FAM114A1: variants seen among roughly 807,000 people sequenced by gnomAD.
The protein encoded by FAM114A1 is family with sequence similarity 114 member A1, also known as protein NOXP20.
In FAM114A1, 62 loss-of-function variants were observed where a neutral mutation model predicts 64.3. The ratio of observed to expected loss-of-function variants is 0.96; its 90% CI spans 0.79 to 1.19. FAM114A1 has a LOEUF of 1.19. FAM114A1 is among the 50% of genes most tolerant of loss of function. The pLI is 0.00. For missense variants in FAM114A1, 645 were observed against 676.3 expected, an observed-to-expected ratio of 0.95 and a Z score of 0.51; for synonymous variants, 254 against 251.1, an observed-to-expected ratio of 1.01 and a Z score of -0.11.
At position 38,931,541 on chromosome 4, in the gene FAM114A1, G is replaced by A. The variant is rs985423409; in HGVS notation, c.1252G>A (p.Glu418Lys). The A allele has an allele frequency of 1.2e-6, 2 of 1,613,948 alleles. No individual in the cohort carries two copies. Among genetic ancestry groups the A allele is most frequent in the Middle Eastern group, 3.3e-4 (2 of 6,062 alleles). ...AKVSEEETKK[E>K]EKEEKSQDPQ... ...AGTGTCCGAAGAAGAAACAAAGAAG[G>A]AAGAAAAGGAAGAGAAATCTCAAGA... is the stretch of plus-strand genomic sequence containing the variant. The change falls in exon 11 of 15, where the codon GAA becomes AAA. Residue 418 changes from glutamate to lysine, a missense_variant. Transcript: ENST00000358869.
At chr4:38,881,956 C>T (rs1309606665) in intron 3 of FAM114A1, among the ~76,000 whole-genome samples, 1 of 151,856 alleles carries the variant, frequency 6.6e-6, no homozygotes, top group Non-Finnish European at 1.5e-5. Context: ...TAGCCAAGTG[C>T]AAAAGCCTAT....
At chr4:38,923,412 G>T (rs900786706) in intron 9 of FAM114A1, among the ~76,000 whole-genome samples, 1 of 151,880 alleles carries the variant, frequency 6.6e-6, no homozygotes, top group African/African-American at 2.4e-5. Context: ...TAGTAGAGAC[G>T]GGGTTTCACT....
chr4:38,942,726 C>G (rs963310631), intron 14 of FAM114A1, among the ~76,000 whole-genome samples: 2 of 152,082 alleles, frequency 1.3e-5, no homozygotes, highest in African/African-American at 4.8e-5. Flanking sequence ...GAATAACTGC[C>G]CAATAGTATC....
chr4:38,933,785 C>T (rs1296106211), intron 12 of FAM114A1, among the ~76,000 whole-genome samples: 1 of 152,082 alleles, frequency 6.6e-6, no homozygotes, highest in Admixed American at 6.6e-5. Flanking sequence ...AAAATAGAGC[C>T]CCTGAAAATA....
intron 2 of FAM114A1, among the ~76,000 whole-genome samples, chr4:38,870,576 G>T (rs148980945): frequency 8.6e-4 from 131 of 152,294 alleles, no homozygotes; most frequent in African/African-American, 2.9e-3. Flanking sequence ...GCCCACAAAG[G>T]CTTCTTTATA....
rs752311833 is a variant in FAM114A1, at chr4:38,908,561, A to G, written c.658-31A>G. The G allele has an allele frequency of 4.4e-6, 7 of 1,573,890 alleles. No individual in the cohort carries two copies. In the South Asian group the frequency reaches 5.8e-5, roughly 13 times the overall value. Reference sequence around the variant, plus strand: ...TGCTGCGAAACAGCAAAACCTAAACATCTAATCTCATGCAGTTATCTCATC... The same window carrying G: ...TGCTGCGAAACAGCAAAACCTAAACGTCTAATCTCATGCAGTTATCTCATC... On this transcript the variant is annotated intron_variant, in intron 6 of 14. Coordinates refer to ENST00000358869, the MANE Select transcript of FAM114A1 (RefSeq NM_138389.4).
Position 38,891,762 on chromosome 4 carries a change from G to A in FAM114A1, c.368G>A (p.Ser123Asn). The A allele has an allele frequency of 6.2e-7, 1 of 1,611,064 alleles. No individual in the cohort carries two copies. Among genetic ancestry groups the A allele is most frequent in the South Asian group, 1.1e-5 (1 of 90,574 alleles). ...QNYLAVDSPP[S>N]GGGWAGWGSW... ...CTCCAGGCTGTGGATTCCCCTCCAA[G>A]TGGAGGAGGATGGGCAGGCTGGGGA... The change falls in exon 4 of 15, where the codon AGT (serine) becomes AAT (asparagine). Residue 123 changes from serine (S) to asparagine (N), a missense_variant. Physicochemically the swap from Ser to Asn is conservative, Grantham distance 46 (BLOSUM62 1). Coordinates refer to ENST00000358869, the MANE Select transcript of FAM114A1 (RefSeq NM_138389.4).
intron 3 of FAM114A1, among the ~76,000 whole-genome samples, chr4:38,887,959 C>A (rs1170063188): frequency 6.6e-6 from 1 of 152,154 alleles, no homozygotes; most frequent in African/African-American, 2.4e-5. Context: ...TCATTGCCCA[C>A]ATCCCTGGAT....
At chr4:38,869,905 T>A (rs1713859650) in intron 2 of FAM114A1, among the ~76,000 whole-genome samples, 1 of 152,184 alleles carries the variant, frequency 6.6e-6, no homozygotes, top group Non-Finnish European at 1.5e-5. Context: ...GGCAGTCCTT[T>A]ACATTTAATA....
chr4:38,878,493 G>A, intron 3 of FAM114A1, 67 bp downstream of exon 3: 2 of 1,421,480 alleles, frequency 1.4e-6, no homozygotes, highest in Non-Finnish European at 9.5e-7. Context: ...TGCAGAGCTA[G>A]CACCAAGCTC....
At chr4:38,929,731 T>G (rs766220905) in intron 10 of FAM114A1, among the ~76,000 whole-genome samples, 1 of 152,216 alleles carries the variant, frequency 6.6e-6, no homozygotes, top group Non-Finnish European at 1.5e-5. Flanking sequence ...GAGCTGAGAT[T>G]GTGCCACAGC....
At chr4:38,891,621 C>A in intron 3 of FAM114A1, 122 bp from the exon 4 acceptor site, 1 of 788,356 alleles carries the variant, frequency 1.3e-6, no homozygotes, top group Non-Finnish European at 2.0e-6. Context: ...AAACTATAAG[C>A]CAATTAGATA....
At chr4:38,911,998 A>T (rs1399517239) in intron 7 of FAM114A1, among the ~76,000 whole-genome samples, 1 of 150,270 alleles carries the variant, frequency 6.7e-6, no homozygotes, top group East Asian at 2.0e-4. Flanking sequence ...AGTAGCTGGG[A>T]TTACAGTGTG....
chr4:38,943,361 G>A (rs1482404303), intron 14 of FAM114A1, 95 bp from the exon 15 acceptor site: 4 of 1,003,612 alleles, frequency 4.0e-6, no homozygotes, highest in African/African-American at 3.2e-5. Flanking sequence ...CAATATGGGG[G>A]GTGGGTTGAA....
At position 38,915,089 on chromosome 4, in the gene FAM114A1, T is replaced by C. The variant is rs1215924899; in HGVS notation, c.945+16T>C. ...CGAAAGCAAGGTACTTCTGCACTACTCGTTTGAAATGGCATGCTTAGTCAT... is the reference window on the plus strand; with the variant it reads ...CGAAAGCAAGGTACTTCTGCACTACCCGTTTGAAATGGCATGCTTAGTCAT... On this transcript the variant is annotated intron_variant, in intron 8 of 14. Transcript: ENST00000358869. 4.3e-6 allele frequency: 7 copies of C among 1,611,612 alleles called. No individual in the cohort carries two copies. In the South Asian group the frequency reaches 5.5e-5, roughly 13 times the overall value.
rs1718908083 is a variant in FAM114A1, at chr4:38,915,041, C to T, written c.913C>T (p.Leu305=). 6.2e-7 allele frequency: 1 copy of T among 1,614,008 alleles called. No individual in the cohort carries two copies. Among genetic ancestry groups the T allele is most frequent in the African/African-American group, 1.3e-5 (1 of 74,912 alleles). The change falls in exon 8 of 15, where the codon CTG becomes TTG. Residue 305 remains leucine, a synonymous_variant. Transcript: ENST00000358869. ...EYQGLSHLEA[L]EILSNESESK... is the part of the protein sequence containing the mutation. ...TCAAGGCTTGTCACACCTGGAAGCC[C>T]TGGAAATTCTGTCCAATGAAAGCGA...
intron 13 of FAM114A1, among the ~76,000 whole-genome samples, chr4:38,938,865 G>A (rs1368540609): frequency 6.6e-6 from 1 of 152,202 alleles, no homozygotes; most frequent in Non-Finnish European, 1.5e-5. Context: ...GAGTGTGAAT[G>A]TCTGTGTGCA....
intron 2 of FAM114A1, among the ~76,000 whole-genome samples, chr4:38,870,666 C>G (rs1029802714): frequency 6.6e-6 from 1 of 152,116 alleles, no homozygotes; most frequent in Non-Finnish European, 1.5e-5. Flanking sequence ...CTCCAGTCCA[C>G]GAGACATGGC....
In FAM114A1 at chr4:38,932,225, T is replaced by C. The variant is rs1332727504; in HGVS notation, c.1324-10T>C. 1 of 1,586,206 alleles carries C rather than the reference T, an allele frequency of 6.3e-7. No individual in the cohort carries two copies. The highest frequency in any genetic ancestry group is 8.5e-7 in the Non-Finnish European group (1 of 1,172,476). ...GTAAAAAATTTCTTGCTTGTGTCTA[T>C]TCATTTCAGGAAGTATACATGTCGT... is the stretch of plus-strand genomic sequence containing the variant. On this transcript the variant is annotated splice_polypyrimidine_tract_variant and intron_variant, in intron 11 of 14. Coordinates refer to ENST00000358869, the MANE Select transcript of FAM114A1 (RefSeq NM_138389.4).
Sources: gnomAD v4.1 joint callset for allele counts (sites outside exome capture counted in the v4.1 genomes callset) on GRCh38, gnomAD v4.1.1 for gene constraint, MANE v1.5 for transcripts, NCBI Gene and HGNC (gene_info 2026-07-23, HGNC 2026-07-21) for gene names.